USP6: variants seen among roughly 807,000 people sequenced by gnomAD.
The protein encoded by USP6 is ubiquitin specific peptidase 6, also known as ubiquitin carboxyl-terminal hydrolase 6.
Under a neutral mutation model 175.7 loss-of-function variants are expected in USP6, and 128 were observed. The ratio of observed to expected loss-of-function variants is 0.73; its 90% CI spans 0.63 to 0.84. The LOEUF is 0.84. Ranked by LOEUF, USP6 falls within the 40% of genes least tolerant of loss-of-function variation. The pLI is 0.00. For synonymous variants in USP6, 562 were observed against 630.6 expected (o/e 0.89, Z 1.63); for missense variants, 1,498 against 1,760.3 (o/e 0.85, Z 2.67).
intron 18 of USP6, 54 bp from the exon 19 acceptor site, chr17:5,137,067 G>A (rs868763424): frequency 1.9e-6 from 3 of 1,580,686 alleles, no homozygotes; most frequent in African/African-American, 1.3e-5. Flanking sequence ...CCTGGAAGAT[G>A]GAGGTTTTTA....
rs1278989284 is a variant in USP6 at position 5,145,680 on chromosome 17, T to TAAA, written c.2167+101_2167+102insAAA. ...TAGTTATTTGTTTACAAATAAAGAC[T>TAAA]GGTAGTCAGCATATTATAATCGAGC... On this transcript the variant is annotated intron_variant, in intron 27 of 37. Coordinates refer to ENST00000574788, the MANE Select transcript of USP6 (RefSeq NM_001304284.2). 157 of 1,412,350 alleles carry TAAA rather than the reference T, an allele frequency of 1.1e-4. No individual in the cohort carries two copies. In the African/African-American group the frequency reaches 1.9e-3, roughly 17 times the overall value. 87.5% of individuals were successfully genotyped at this position (1,412,350 alleles called of 1,614,324 possible). A position where few individuals can be genotyped will look rare whatever the true frequency, so the allele number is the denominator to read the frequency against.
At chr17:5,138,961 C>T (rs778156963) in intron 21 of USP6, 80 of 1,445,684 alleles carry the variant, frequency 5.5e-5, no homozygotes, top group Non-Finnish European at 7.0e-5. Flanking sequence ...GATGGGGGGC[C>T]ATATCCCAGG....
At chr17:5,139,959 T>C (rs1821722) in intron 22 of USP6, among the ~76,000 whole-genome samples, 12,290 of 152,126 alleles carry the variant, frequency 0.081, 628 homozygotes, top group Middle Eastern at 0.16. Context: ...GTTAAACTTA[T>C]GAAAATTTAT....
At chr17:5,127,342 C>T (rs946764976) in intron 6 of USP6, among the ~76,000 whole-genome samples, 162 bp from the exon 7 acceptor site, 1 of 152,234 alleles carries the variant, frequency 6.6e-6, no homozygotes, top group Non-Finnish European at 1.5e-5. Flanking sequence ...GTCTGTGTGG[C>T]TGCTGGAGAG....
At chr17:5,172,757 G>A (rs760846874) in intron 37 of USP6, 48 bp from the exon 38 acceptor site, 133 of 1,607,902 alleles carry the variant, frequency 8.3e-5, no homozygotes, top group Non-Finnish European at 1.1e-4. Flanking sequence ...AGGATTTAGA[G>A]TCATAATAGT....
chr17:5,141,551 T>C, intron 23 of USP6, 52 bp downstream of exon 23: 1 of 1,482,684 alleles, frequency 6.7e-7, no homozygotes, highest in South Asian at 1.3e-5. Context: ...GTATTTTTTT[T>C]CTTCTTTCAA....
Position 5,132,462 on chromosome 17 carries a change from G to C in USP6, c.195+27G>C, listed in dbSNP as rs1363442338. The stretch of plus-strand genomic sequence containing the variant: ...TAAGAGCCTGATGCGTGGAGGGGCT[G>C]GTCCAGGGACGTAGGGACTGGGCGG... On this transcript the variant is annotated intron_variant, in intron 12 of 37. Transcript: ENST00000574788. This position sits in a 1 kb window ranked among gnomAD's most constrained non-coding sequence, Gnocchi z 4.7. 1.9e-6 allele frequency: 3 copies of C among 1,612,058 alleles called. No homozygotes were observed. The highest frequency in any genetic ancestry group is 2.5e-6 in the Non-Finnish European group (3 of 1,179,844).
In USP6 at chr17:5,132,809, A is replaced by T. The variant is rs56330904; in HGVS notation, c.196-101A>T. 2 of 1,404,886 alleles carry T rather than the reference A, an allele frequency of 1.4e-6. No individual in the cohort carries two copies. The highest frequency in any genetic ancestry group is 2.0e-6 in the Non-Finnish European group (2 of 991,118). The allele number at this position is 1,404,886 out of a possible 1,614,324, so 87.0% of individuals were successfully genotyped here. A position where few individuals can be genotyped will look rare whatever the true frequency, so the allele number is the denominator to read the frequency against. ...GGTCTGCCCTTCCCTGGCTCCTTCC[A>T]GTTGGGTCCCACCAGGGCTCCAGAG... On this transcript the variant is annotated intron_variant, in intron 12 of 37. Transcript: ENST00000574788. This position sits in a 1 kb window ranked among gnomAD's most constrained non-coding sequence, Gnocchi z 4.7.
intron 7 of USP6, among the ~76,000 whole-genome samples, chr17:5,128,037 G>A (rs1038036434): frequency 3.3e-5 from 5 of 152,248 alleles, no homozygotes; most frequent in Admixed American, 2.0e-4. Context: ...GGGAGCAGGT[G>A]TTGATCAGGG....
intron 2 of USP6, among the ~76,000 whole-genome samples, chr17:5,120,225 C>T (rs1393182212): frequency 2.0e-5 from 3 of 152,118 alleles, no homozygotes; most frequent in African/African-American, 7.2e-5. Flanking sequence ...CACGGTGACA[C>T]CAACGTAGGG....
At chr17:5,137,948 G>A (rs1220455545) in intron 20 of USP6, among the ~76,000 whole-genome samples, 173 bp from the exon 21 acceptor site, 1 of 152,100 alleles carries the variant, frequency 6.6e-6, no homozygotes, top group Non-Finnish European at 1.5e-5. Context: ...AGTGTGGTGA[G>A]CACTTCCCTG....
chr17:5,173,046 A>C lies in USP6; in HGVS notation c.*68A>C. On this transcript the variant is annotated 3_prime_UTR_variant, in exon 38 of 38. Coordinates refer to ENST00000574788, the MANE Select transcript of USP6 (RefSeq NM_001304284.2). ...TGACTCCTTGTAGCTGATACTTGGCAAAAGTGTCACTGAAAGACAAGCTAA... is the reference window on the plus strand; with the variant it reads ...TGACTCCTTGTAGCTGATACTTGGCCAAAGTGTCACTGAAAGACAAGCTAA... 6.4e-7 allele frequency: 1 copy of C among 1,554,978 alleles called. No homozygotes were observed. Among genetic ancestry groups the C allele is most frequent in the South Asian group, 1.2e-5 (1 of 84,446 alleles).
At chr17:5,163,841 G>A (rs115699793) in intron 33 of USP6, among the ~76,000 whole-genome samples, 2,146 of 152,202 alleles carry the variant, frequency 0.014, 56 homozygotes, top group African/African-American at 0.048. Flanking sequence ...GGATTGAAAT[G>A]TTTCCATTTT....
intron 8 of USP6, chr17:5,129,541 G>A (rs2072995430): frequency 6.6e-6 from 1 of 152,386 alleles, no homozygotes; most frequent in Non-Finnish European, 1.5e-5. Flanking sequence ...TGTTCAAAGG[G>A]GTCCAGGCAC....
At chr17:5,169,490 C>G (rs553268374) in intron 35 of USP6, among the ~76,000 whole-genome samples, 1 of 152,226 alleles carries the variant, frequency 6.6e-6, no homozygotes, top group East Asian at 1.9e-4. Context: ...GGCTGGAGTG[C>G]AGTGGTGCAA....
intron 6 of USP6, chr17:5,126,845 C>G (rs918392010): frequency 6.6e-6 from 1 of 152,340 alleles, no homozygotes; most frequent in African/African-American, 2.4e-5. Context: ...CCAGCACCCT[C>G]AAAGTGAGAG....
intron 33 of USP6, among the ~76,000 whole-genome samples, chr17:5,166,649 T>G (rs2074101890): frequency 6.6e-6 from 1 of 152,048 alleles, no homozygotes; most frequent in East Asian, 1.9e-4. Context: ...TGTGAAGTCT[T>G]AACGGTAGCA....
At chr17:5,161,686 T>C in intron 32 of USP6, 72 bp downstream of exon 32, 2 of 1,533,794 alleles carry the variant, frequency 1.3e-6, no homozygotes, top group East Asian at 2.3e-5. Flanking sequence ...TCCTAAGATT[T>C]CCAATTTTGA....
intron 30 of USP6, among the ~76,000 whole-genome samples, chr17:5,151,218 GA>G (rs1019712575): frequency 6.6e-6 from 1 of 151,464 alleles, no homozygotes; most frequent in Non-Finnish European, 1.5e-5. Context: ...TAAATGCTGA[GA>G]AAAAAATTAA....
Sources: allele counts gnomAD v4.1 joint callset (sites outside exome capture counted in the v4.1 genomes callset), GRCh38; gene constraint gnomAD v4.1.1; non-coding constraint Gnocchi (gnomAD v3.1); transcripts MANE v1.5; gene names NCBI Gene and HGNC (gene_info 2026-07-23, HGNC 2026-07-21).